The following C2orf92 variants were observed in gnomAD, a reference collection of about 807,000 sequenced individuals.
C2orf92 encodes uncharacterized protein C2orf92.
chr2:97,674,273 G>A, intron 1 of C2orf92, 183 bp from the exon 2 acceptor site: 1 of 386,958 alleles, frequency 2.6e-6, no homozygotes, highest in Non-Finnish European at 4.6e-6. Flanking sequence ...AATGTCTCAT[G>A]CCATTAAAAT....
At chr2:97,678,092 C>T (rs1276960800) in intron 3 of C2orf92, among the ~76,000 whole-genome samples, 7 of 151,670 alleles carry the variant, frequency 4.6e-5, no homozygotes, top group Middle Eastern at 3.4e-3. Context: ...CCCACCTACT[C>T]GGGAGGCTGA....
chr2:97,687,463 T>C (rs1033546061), intron 3 of C2orf92, among the ~76,000 whole-genome samples: 2 of 152,180 alleles, frequency 1.3e-5, no homozygotes, highest in African/African-American at 2.4e-5. Flanking sequence ...GGAAGTCCTC[T>C]TTAGCAGAGA....
intron 5 of C2orf92, chr2:97,691,176 C>T (rs908821803): frequency 6.6e-6 from 1 of 152,280 alleles, no homozygotes; most frequent in Non-Finnish European, 1.5e-5. Flanking sequence ...CCCATGGTTT[C>T]CCCAAATCCC....
intron 3 of C2orf92, among the ~76,000 whole-genome samples, chr2:97,682,077 T>G (rs1001793124): frequency 5.3e-5 from 8 of 152,084 alleles, no homozygotes; most frequent in Non-Finnish European, 1.0e-4. Flanking sequence ...TCTAGCTAGA[T>G]AGGTGAAGAA....
intron 2 of C2orf92, 138 bp from the exon 3 acceptor site, chr2:97,675,707 T>C (rs1391097087): frequency 5.0e-6 from 2 of 397,192 alleles, no homozygotes; most frequent in East Asian, 7.1e-5. Context: ...GAATGCTCTG[T>C]GACACTCAGA....
At chr2:97,671,643 TCA>T (rs1675415004) in intron 1 of C2orf92, 2 of 394,852 alleles carry the variant, frequency 5.1e-6, no homozygotes, top group Middle Eastern at 6.3e-4. Context: ...TGTCTACGTG[TCA>T]CAGTCTCAGG....
chr2:97,681,186 A>C lies in C2orf92; in HGVS notation c.232+5258A>C, dbSNP rs1675761516. On this transcript the variant is annotated intron_variant, in intron 3 of 7. Transcript: ENST00000627399. ...GGAATAGACTTGAACAGCACTCTAA[A>C]CCAATTAGACCTAGCAGACATATCC... 3.4e-5 allele frequency among the ~76,000 whole-genome samples: 5 copies of C among 149,122 alleles called. No individual in the cohort carries two copies. In the South Asian group the frequency reaches 1.1e-3, roughly 31 times the overall value.
At chr2:97,689,537 G>A (rs1257876692) in intron 4 of C2orf92, among the ~76,000 whole-genome samples, 1 of 152,198 alleles carries the variant, frequency 6.6e-6, no homozygotes, top group Non-Finnish European at 1.5e-5. Flanking sequence ...AGCACTTTGG[G>A]AATTAAGATA....
intron 3 of C2orf92, among the ~76,000 whole-genome samples, chr2:97,683,869 T>A (rs1406830908): frequency 1.3e-5 from 2 of 152,096 alleles, no homozygotes; most frequent in Non-Finnish European, 2.9e-5. Context: ...CTTTTCTTTT[T>A]TTTTTGAGAT....
At chr2:97,670,074 C>G (rs1204503232) in intron 1 of C2orf92, 1 of 365,734 alleles carries the variant, frequency 2.7e-6, no homozygotes, top group African/African-American at 2.1e-5. Context: ...GGCATACATG[C>G]GTATTTTAAC....
In C2orf92 at chr2:97,690,255, G is replaced by C. The variant is rs1320124246; in HGVS notation, c.332-1G>C. Reference sequence around the variant, plus strand: ...TTTTTTATTCATGTGTCTTATCAAAGGAACCAGCATTGCTTGGAATTCTCC... The same window carrying C: ...TTTTTTATTCATGTGTCTTATCAAACGAACCAGCATTGCTTGGAATTCTCC... On this transcript the variant is annotated splice_acceptor_variant, in intron 4 of 7. Coordinates refer to ENST00000627399, the MANE Select transcript of C2orf92 (RefSeq NM_001351368.2). LOFTEE classifies it high-confidence loss of function. The C allele has an allele frequency of 2.5e-6, 1 of 398,862 alleles. No homozygotes were observed. The highest frequency in any genetic ancestry group is 2.1e-5 in the African/African-American group (1 of 48,620). 24.7% of individuals were successfully genotyped at this position (398,862 alleles called of 1,614,324 possible). A position where few individuals can be genotyped will look rare whatever the true frequency, so the allele number is the denominator to read the frequency against.
intron 1 of C2orf92, chr2:97,670,317 G>GA (rs1675371558): frequency 6.6e-6 from 1 of 152,008 alleles, no homozygotes; most frequent in African/African-American, 2.4e-5. Context: ...CATCATGAGA[G>GA]CCTGTCTGTA....
At chr2:97,674,409 A>C in intron 1 of C2orf92, 47 bp from the exon 2 acceptor site, 1 of 398,486 alleles carries the variant, frequency 2.5e-6, no homozygotes, top group Non-Finnish European at 4.4e-6. Context: ...TTAGGTACTT[A>C]GCAAAATATT....
Position 97,680,083 on chromosome 2 carries a change from T to G in C2orf92, c.232+4155T>G, listed in dbSNP as rs112062571. ...GGGAAGCCAAGGTGGGCAGATCACT[T>G]AAGCTCAGGAGTTCAAGACCAGCCT... On this transcript the variant is annotated intron_variant, in intron 3 of 7. Transcript: ENST00000627399. 9.9e-3 allele frequency among the ~76,000 whole-genome samples: 1,504 copies of G among 152,064 alleles called. 25 individuals are homozygous for G. Among genetic ancestry groups the G allele is most frequent in the African/African-American group, 0.034 (1,408 of 41,486 alleles).
intron 3 of C2orf92, among the ~76,000 whole-genome samples, chr2:97,688,084 G>A (rs1336077289): frequency 1.3e-5 from 2 of 152,142 alleles, no homozygotes; most frequent in African/African-American, 2.4e-5. Flanking sequence ...CACACCAGGT[G>A]GGCCTTGGCA....
At chr2:97,667,261 C>CTT (rs200244313), upstream of C2orf92, among the ~76,000 whole-genome samples, 17 of 106,546 alleles carry the variant, frequency 1.6e-4, 1 homozygote, top group Admixed American at 5.8e-4. Context: ...CTTCAGGTCT[C>CTT]TTTTTTATTT....
chr2:97,681,994 C>G (rs984855790), intron 3 of C2orf92, among the ~76,000 whole-genome samples: 2 of 151,992 alleles, frequency 1.3e-5, no homozygotes. Context: ...AGTGAAATAA[C>G]AGAAAAACAA....
At chr2:97,675,622 T>C (rs1182239388) in intron 2 of C2orf92, 2 of 386,644 alleles carry the variant, frequency 5.2e-6, no homozygotes. Context: ...GCATATTGTC[T>C]GTCAACAGAC....
At chr2:97,694,193 C>T (rs1332383593) in intron 5 of C2orf92, among the ~76,000 whole-genome samples, 2 of 151,568 alleles carry the variant, frequency 1.3e-5, no homozygotes, top group Non-Finnish European at 2.9e-5. Context: ...GCATAATGTC[C>T]TCAAGGTTCA....
Sources: allele counts gnomAD v4.1 joint callset (sites outside exome capture counted in the v4.1 genomes callset), GRCh38; gene constraint gnomAD v4.1.1; transcripts MANE v1.5; gene names NCBI Gene and HGNC (gene_info 2026-07-23, HGNC 2026-07-21).